SLC30A7: variants seen among roughly 807,000 people sequenced by gnomAD.
SLC30A7 encodes the protein solute carrier family 30 member 7, also known as zinc transporter 7.
Under a neutral mutation model 46.0 loss-of-function variants are expected in SLC30A7, and 35 were observed. The ratio of observed to expected loss-of-function variants is 0.76; its 90% CI spans 0.58 to 1.01. The LOEUF (loss-of-function observed/expected upper bound fraction) is 1.01, where lower values mean the gene tolerates loss of function less well. SLC30A7 is among the 50% of genes least tolerant of loss of function. SLC30A7 has a pLI of 0.00. For missense variants in SLC30A7, 464 were observed against 451.1 expected (o/e 1.03, Z -0.26); for synonymous variants, 147 against 157.8 (o/e 0.93, Z 0.51).
At chr1:100,961,624 A>G (rs1252226897) in intron 8 of SLC30A7, among the ~76,000 whole-genome samples, 1 of 152,168 alleles carries the variant, frequency 6.6e-6, no homozygotes, top group Non-Finnish European at 1.5e-5. Context: ...ACATTAATAC[A>G]TTTTCTCTAG....
At chr1:100,954,741 A>G (rs577408424) in intron 8 of SLC30A7, among the ~76,000 whole-genome samples, 2 of 152,210 alleles carry the variant, frequency 1.3e-5, no homozygotes, top group African/African-American at 2.4e-5. Context: ...TTGGTTATCT[A>G]TTCTATAGAA....
chr1:100,913,063 G>A (rs1557979457), intron 5 of SLC30A7, among the ~76,000 whole-genome samples: 3 of 152,102 alleles, frequency 2.0e-5, no homozygotes, highest in Admixed American at 6.5e-5. Flanking sequence ...AGAATAGCCT[G>A]TATAAGATGT....
chr1:100,915,177 T>C lies in SLC30A7; in HGVS notation c.655+1371T>C, dbSNP rs568894483. ...TCCCTTCCTCACTTCTTTTCTTTTT[T>C]CTTTTCTTTTCTTTCTTTTCTTTCT... On this transcript the variant is annotated intron_variant, in intron 6 of 10. Coordinates refer to ENST00000357650, the MANE Select transcript of SLC30A7 (RefSeq NM_133496.5). 5.4e-4 allele frequency among the ~76,000 whole-genome samples: 80 copies of C among 148,370 alleles called. 3 individuals are homozygous for C. The South Asian group carries it at 0.018, about 34-fold the overall frequency.
chr1:100,933,281 T>G (rs573606639), intron 8 of SLC30A7, among the ~76,000 whole-genome samples: 11 of 151,802 alleles, frequency 7.2e-5, no homozygotes, highest in Non-Finnish European at 1.2e-4. Flanking sequence ...GCCACCACAA[T>G]TTTTTTTAGC....
chr1:100,943,823 A>T (rs906998427), intron 8 of SLC30A7, among the ~76,000 whole-genome samples: 1 of 152,254 alleles, frequency 6.6e-6, no homozygotes, highest in African/African-American at 2.4e-5. Context: ...GAATATTATT[A>T]AGAAAACAAG....
At chr1:100,949,559 G>A (rs1451557182) in intron 8 of SLC30A7, among the ~76,000 whole-genome samples, 2 of 152,204 alleles carry the variant, frequency 1.3e-5, no homozygotes, top group African/African-American at 4.8e-5. Flanking sequence ...TATCAGACAG[G>A]GACGTTTAAG....
At chr1:100,966,029 T>C in intron 10 of SLC30A7, 111 bp downstream of exon 10, 2 of 944,298 alleles carry the variant, frequency 2.1e-6, no homozygotes, top group Non-Finnish European at 3.1e-6. Flanking sequence ...CTAGGATTTC[T>C]AGATCAGTGT....
intron 8 of SLC30A7, among the ~76,000 whole-genome samples, chr1:100,944,017 G>C (rs1654489160): frequency 6.6e-6 from 1 of 152,084 alleles, no homozygotes; most frequent in African/African-American, 2.4e-5. Context: ...CAGAGGAAAG[G>C]GATTAGAAGT....
At chr1:100,939,163 T>C (rs1468654427) in intron 8 of SLC30A7, among the ~76,000 whole-genome samples, 5 of 148,850 alleles carry the variant, frequency 3.4e-5, no homozygotes, top group African/African-American at 7.3e-5. Flanking sequence ...GCCTCTGCTA[T>C]TTAACATAGT....
At position 100,948,921 on chromosome 1, in the gene SLC30A7, T is replaced by C. The variant is rs185134771; in HGVS notation, c.843-12907T>C. On this transcript the variant is annotated intron_variant, in intron 8 of 10. Transcript: ENST00000357650. ...TAAGGTCTTCTCTACACTGTTTAGTTAGTCATTCATCTAACCTTTTTTCAA... is the reference window on the plus strand; with the variant it reads ...TAAGGTCTTCTCTACACTGTTTAGTCAGTCATTCATCTAACCTTTTTTCAA... 5.3e-5 allele frequency among the ~76,000 whole-genome samples: 8 copies of C among 152,286 alleles called. No homozygotes were observed. The East Asian group carries it at 1.2e-3, about 22-fold the overall frequency.
intron 6 of SLC30A7, among the ~76,000 whole-genome samples, chr1:100,915,302 A>G (rs1000649858): frequency 7.7e-6 from 1 of 129,254 alleles, no homozygotes; most frequent in Non-Finnish European, 1.7e-5. Context: ...ACTTAACATA[A>G]GATCTACACT....
At chr1:100,897,636 G>A (rs903129647) in intron 2 of SLC30A7, among the ~76,000 whole-genome samples, 1 of 152,106 alleles carries the variant, frequency 6.6e-6, no homozygotes, top group Non-Finnish European at 1.5e-5. Context: ...TTGATCTTCT[G>A]TTGAGATCAA....
intron 8 of SLC30A7, among the ~76,000 whole-genome samples, chr1:100,925,625 A>C (rs896984909): frequency 1.3e-5 from 2 of 152,172 alleles, no homozygotes; most frequent in Admixed American, 6.5e-5. Context: ...AAAGAGGGGA[A>C]TTAAGGATAG....
chr1:100,911,271 G>A (rs1652075205), intron 4 of SLC30A7, 121 bp downstream of exon 4: 1 of 649,376 alleles, frequency 1.5e-6, no homozygotes, highest in Non-Finnish European at 2.6e-6. Context: ...TCTTAGATTA[G>A]ATATGTGCGT....
intron 8 of SLC30A7, among the ~76,000 whole-genome samples, chr1:100,954,413 T>A (rs1489650672): frequency 1.3e-5 from 2 of 152,128 alleles, no homozygotes; most frequent in African/African-American, 4.8e-5. Flanking sequence ...TTAAAAAAAA[T>A]TTATGAAAGC....
At chr1:100,936,225 T>C (rs1344375289) in intron 8 of SLC30A7, among the ~76,000 whole-genome samples, 1 of 152,192 alleles carries the variant, frequency 6.6e-6, no homozygotes, top group Non-Finnish European at 1.5e-5. Context: ...ATAGAGAACT[T>C]ACTAATTTAC....
At chr1:100,990,747 C>T in the SLC30A7 span, 3 of 939,024 alleles carry the variant, frequency 3.2e-6, no homozygotes, top group Admixed American at 7.6e-5. Context: ...TCTTAAATCT[C>T]TTTTGCCACT....
intron 10 of SLC30A7, 65 bp downstream of exon 10, chr1:100,965,983 A>C: frequency 1.4e-6 from 2 of 1,435,712 alleles, no homozygotes; most frequent in Non-Finnish European, 1.9e-6. Flanking sequence ...AGTTTTAAAA[A>C]TATTTACAAG....
chr1:100,974,793 T>C lies in SLC30A7; in HGVS notation c.1084-17T>C. 6.4e-7 allele frequency: 1 copy of C among 1,571,904 alleles called. No individual in the cohort carries two copies. On this transcript the variant is annotated splice_polypyrimidine_tract_variant and intron_variant, in intron 10 of 10. Coordinates refer to ENST00000357650, the MANE Select transcript of SLC30A7 (RefSeq NM_133496.5). ...AGCTTGTTAGATTTTCTAACTTTTT[T>C]TTTTCTTACTTTTCAGGCTGGAGTG... is the stretch of plus-strand genomic sequence containing the variant.
Sources: allele counts gnomAD v4.1 joint callset (sites outside exome capture counted in the v4.1 genomes callset), GRCh38; gene constraint gnomAD v4.1.1; transcripts MANE v1.5; gene names NCBI Gene and HGNC (gene_info 2026-07-23, HGNC 2026-07-21).